The following CACNA2D1 variants were observed in gnomAD, a reference collection of about 807,000 sequenced individuals.
CACNA2D1 encodes the protein voltage-dependent calcium channel subunit alpha-2/delta-1.
A neutral mutation model predicts 171.5 loss-of-function variants in CACNA2D1; 53 were observed. The ratio of observed to expected loss-of-function variants is 0.31; its 90% CI spans 0.25 to 0.39. The LOEUF is 0.39. Ranked by LOEUF, CACNA2D1 falls within the 10% of genes least tolerant of loss-of-function variation. CACNA2D1 has a pLI of 1.00. For missense variants in CACNA2D1, 903 were observed against 1,299.8 expected, an observed-to-expected ratio of 0.69 and a Z score of 4.69; for synonymous variants, 442 against 443.1, an observed-to-expected ratio of 1.00 and a Z score of 0.03.
intron 24 of CACNA2D1, among the ~76,000 whole-genome samples, chr7:81,981,564 A>G (rs1796446672): frequency 6.6e-6 from 1 of 152,206 alleles, no homozygotes; most frequent in South Asian, 2.1e-4. Context: ...TTTTGGAATA[A>G]TTTAAGAAAA....
intron 2 of CACNA2D1, among the ~76,000 whole-genome samples, chr7:82,347,458 G>A (rs1293266493): frequency 1.3e-5 from 2 of 152,050 alleles, no homozygotes; most frequent in East Asian, 3.9e-4. Flanking sequence ...GTAATTTGAA[G>A]AACCTTCATT....
intron 6 of CACNA2D1, among the ~76,000 whole-genome samples, chr7:82,099,365 T>C (rs746684493): frequency 6.6e-6 from 1 of 151,288 alleles, no homozygotes; most frequent in Non-Finnish European, 1.5e-5. Context: ...CTGTTTAATA[T>C]ATTCTTTCTT....
Position 82,303,468 on chromosome 7 carries a change from ACT to A in CACNA2D1, c.294+31665_294+31666del, listed in dbSNP as rs1404894743. Among the ~76,000 whole-genome samples, 216 of 151,766 alleles carry A rather than the reference ACT, an allele frequency of 1.4e-3. 1 individual carries two copies. Among genetic ancestry groups the A allele is most frequent in the African/African-American group, 4.8e-3 (198 of 41,382 alleles). On this transcript the variant is annotated intron_variant, in intron 3 of 38. Coordinates refer to ENST00000356860, the MANE Select transcript of CACNA2D1 (RefSeq NM_000722.4). ...GTATGTAACTAAAAAAAAAAAAAAA[ACT>A]CAAGTAGCCAAAGCAATCCTGAACT...
intron 5 of CACNA2D1, among the ~76,000 whole-genome samples, chr7:82,130,977 A>G (rs758480325): frequency 3.3e-5 from 5 of 151,582 alleles, no homozygotes; most frequent in Non-Finnish European, 7.4e-5. Context: ...TTAAAAAAAT[A>G]TTTTTTAGTA....
chr7:82,055,859 C>A (rs1183960328), intron 10 of CACNA2D1, among the ~76,000 whole-genome samples: 4 of 147,202 alleles, frequency 2.7e-5, no homozygotes, highest in African/African-American at 1.0e-4. Flanking sequence ...CACATGTATA[C>A]ATATGTAACA....
At position 82,203,899 on chromosome 7, in the gene CACNA2D1, G is replaced by A. The variant is rs898069598; in HGVS notation, c.295-33290C>T. ...GGAAAATGACCCCCCAAACTGGGAC[G>A]CACAGACATCCACTTTAGCAAAGTG... On this transcript the variant is annotated intron_variant, in intron 3 of 38. Transcript: ENST00000356860. Among the ~76,000 whole-genome samples, 10 of 152,182 alleles carry A rather than the reference G, an allele frequency of 6.6e-5. 1 individual carries two copies. The highest frequency in any genetic ancestry group is 9.7e-5 in the African/African-American group (4 of 41,446).
chr7:82,215,507 A>T (rs1301200193), intron 3 of CACNA2D1, among the ~76,000 whole-genome samples: 1 of 152,204 alleles, frequency 6.6e-6, no homozygotes, highest in Admixed American at 6.5e-5. Flanking sequence ...CATGAAAATA[A>T]ATATGATTTC....
In CACNA2D1 at chr7:82,060,213, TATATATATAATATATA is replaced by T; in HGVS notation, c.879+199_879+214del. Among the ~76,000 whole-genome samples, 3 of 37,614 alleles carry T rather than the reference TATATATATAATATATA, an allele frequency of 8.0e-5. 1 individual carries two copies. The South Asian group carries it at 3.2e-3, about 40-fold the overall frequency. The allele number at this position is 37,614 out of a possible 152,430, so 24.7% of individuals were successfully genotyped here. A position where few individuals can be genotyped will look rare whatever the true frequency, so the allele number is the denominator to read the frequency against. On this transcript the variant is annotated intron_variant, in intron 10 of 38. Transcript: ENST00000356860. ...TATTATATATATATTATATATATAA[TATATATATAATATATA>T]TATATAATATGTATAAAAAACCTTA...
At chr7:82,006,380 C>T (rs1799119876) in intron 16 of CACNA2D1, among the ~76,000 whole-genome samples, 1 of 152,014 alleles carries the variant, frequency 6.6e-6, no homozygotes, top group Non-Finnish European at 1.5e-5. Flanking sequence ...CTAATAACTT[C>T]TATATACCAA....
intron 3 of CACNA2D1, among the ~76,000 whole-genome samples, chr7:82,195,994 T>G (rs1227777156): frequency 6.6e-6 from 1 of 152,048 alleles, no homozygotes; most frequent in Non-Finnish European, 1.5e-5. Flanking sequence ...ATGTAGTCAC[T>G]GAGCAATTGT....
chr7:81,953,139 C>A (rs917349166), intron 38 of CACNA2D1, among the ~76,000 whole-genome samples: 4 of 152,100 alleles, frequency 2.6e-5, no homozygotes, highest in Admixed American at 2.0e-4. Flanking sequence ...CCCAAACTTA[C>A]TGCTTGTCAC....
intron 10 of CACNA2D1, among the ~76,000 whole-genome samples, chr7:82,056,821 C>T (rs1013027579): frequency 2.0e-5 from 3 of 152,142 alleles, no homozygotes; most frequent in Non-Finnish European, 4.4e-5. Flanking sequence ...CATCAAGTAT[C>T]ACTAATCCTC....
At chr7:82,354,888 C>A (rs147825229) in intron 1 of CACNA2D1, among the ~76,000 whole-genome samples, 23 of 152,238 alleles carry the variant, frequency 1.5e-4, no homozygotes, top group Non-Finnish European at 2.8e-4. Flanking sequence ...GATCTCCACA[C>A]ATTCTAAATT....
At chr7:82,074,888 G>T (rs1178861389) in intron 7 of CACNA2D1, among the ~76,000 whole-genome samples, 5 of 151,804 alleles carry the variant, frequency 3.3e-5, no homozygotes. Context: ...TTTTAATTAA[G>T]TTCTGGGGTA....
Position 82,066,072 on chromosome 7 carries a change from G to C in CACNA2D1, c.728+383C>G, listed in dbSNP as rs912488465. 2.0e-5 allele frequency among the ~76,000 whole-genome samples: 3 copies of C among 151,934 alleles called. No individual in the cohort carries two copies. The South Asian group carries it at 6.3e-4, about 32-fold the overall frequency. ...TAACTAGGGGCAGCTTTTACCTTGG[G>C]GCCAATTCTCATTAGTTCACTGCCA... On this transcript the variant is annotated intron_variant, in intron 8 of 38. Coordinates refer to ENST00000356860, the MANE Select transcript of CACNA2D1 (RefSeq NM_000722.4).
intron 15 of CACNA2D1, among the ~76,000 whole-genome samples, chr7:82,011,854 T>G (rs970743563): frequency 1.3e-5 from 2 of 152,170 alleles, no homozygotes; most frequent in African/African-American, 4.8e-5. Flanking sequence ...TTTTTTACAT[T>G]AACAATTAAA....
chr7:82,352,321 C>G (rs1429292095), intron 1 of CACNA2D1, among the ~76,000 whole-genome samples: 3 of 152,046 alleles, frequency 2.0e-5, no homozygotes, highest in African/African-American at 7.2e-5. Context: ...AAAAATTACT[C>G]AAGGGAAAAC....
chr7:82,133,735 C>T (rs1791276927), intron 5 of CACNA2D1, among the ~76,000 whole-genome samples: 1 of 151,978 alleles, frequency 6.6e-6, no homozygotes, highest in Non-Finnish European at 1.5e-5. Context: ...AACTATTTCC[C>T]AAGATAAAAA....
chr7:82,109,685 T>G (rs2129046252), intron 6 of CACNA2D1, among the ~76,000 whole-genome samples: 1 of 152,310 alleles, frequency 6.6e-6, no homozygotes, highest in Middle Eastern at 3.4e-3. Flanking sequence ...CATGGTAATA[T>G]TTTGAGTTAG....
Sources: gnomAD v4.1 joint callset for allele counts (sites outside exome capture counted in the v4.1 genomes callset) on GRCh38, gnomAD v4.1.1 for gene constraint, MANE v1.5 for transcripts, NCBI Gene and HGNC (gene_info 2026-07-23, HGNC 2026-07-21) for gene names.